The following EPM2A variants were observed in gnomAD, a reference collection of about 807,000 sequenced individuals.
EPM2A encodes the protein EPM2A glucan phosphatase, laforin.
EPM2A carries 21 observed loss-of-function variants against 26.5 expected under a neutral mutation model. That is an observed-to-expected ratio of 0.79 (90% CI 0.56 to 1.14). The LOEUF is 1.14. Among genes scored for constraint, EPM2A ranks in the 50% most tolerant of loss-of-function variants. EPM2A has a pLI of 0.00. For missense variants in EPM2A, 458 were observed against 440.8 expected, an observed-to-expected ratio of 1.04 and a Z score of -0.35; for synonymous variants, 217 against 177.6, an observed-to-expected ratio of 1.22 and a Z score of -1.76.
intron 2 of EPM2A, among the ~76,000 whole-genome samples, chr6:145,517,380 A>G (rs1780142997): frequency 6.6e-6 from 1 of 152,188 alleles, no homozygotes; most frequent in Non-Finnish European, 1.5e-5. Flanking sequence ...TAACACAGGA[A>G]CAAAAATCAC....
Position 145,625,816 on chromosome 6 carries a change from T to A in EPM2A, c.*1600A>T, listed in dbSNP as rs540577431. ...ACTGAAACTTACCTTGTATCCTTCT[T>A]GTCCCCCACGCCTTCTAAATAAGAG... On this transcript the variant is annotated 3_prime_UTR_variant, in exon 4 of 4. Transcript: ENST00000367519. 1.2e-5 allele frequency: 18 copies of A among 1,545,800 alleles called. No individual in the cohort carries two copies. The highest frequency in any genetic ancestry group is 1.4e-5 in the Non-Finnish European group (16 of 1,137,998).
chr6:145,428,946 C>T (rs1042002594), intron 4 of EPM2A, among the ~76,000 whole-genome samples: 3 of 152,094 alleles, frequency 2.0e-5, no homozygotes, highest in Non-Finnish European at 4.4e-5. Context: ...AACAGAGCAC[C>T]GTTTCTTTAA....
chr6:145,575,434 T>C (rs1273260481), intron 2 of EPM2A, among the ~76,000 whole-genome samples: 1 of 152,114 alleles, frequency 6.6e-6, no homozygotes, highest in Non-Finnish European at 1.5e-5. Flanking sequence ...GTTGTATCTG[T>C]TTTTCCGCAA....
At chr6:145,691,710 C>CATAT (rs1781291188) in intron 1 of EPM2A, among the ~76,000 whole-genome samples, 2 of 151,894 alleles carry the variant, frequency 1.3e-5, no homozygotes, top group Non-Finnish European at 2.9e-5. Context: ...TGATACCAGT[C>CATAT]AACTATGATG....
At chr6:145,550,057 C>T (rs946158978) in intron 2 of EPM2A, among the ~76,000 whole-genome samples, 4 of 152,116 alleles carry the variant, frequency 2.6e-5, no homozygotes, top group Admixed American at 2.6e-4. Flanking sequence ...ACTTGTATAG[C>T]TTTTGAAGGA....
intron 2 of EPM2A, among the ~76,000 whole-genome samples, chr6:145,590,774 A>G (rs944430724): frequency 6.6e-6 from 1 of 152,112 alleles, no homozygotes; most frequent in African/African-American, 2.4e-5. Flanking sequence ...CTAAAGGCCC[A>G]TTTACCACAG....
chr6:145,711,167 T>A (rs1232133964), intron 1 of EPM2A, among the ~76,000 whole-genome samples: 1 of 151,860 alleles, frequency 6.6e-6, no homozygotes, highest in Non-Finnish European at 1.5e-5. Flanking sequence ...AACTGCAGAG[T>A]CTCTAACAGT....
intron 4 of EPM2A, among the ~76,000 whole-genome samples, chr6:145,397,393 A>G (rs2114663363): frequency 6.6e-6 from 1 of 152,292 alleles, no homozygotes; most frequent in South Asian, 2.1e-4. Context: ...GTGAGGTATG[A>G]TGACGCCATT....
At chr6:145,641,440 C>T (rs1777080681) in intron 2 of EPM2A, among the ~76,000 whole-genome samples, 1 of 152,162 alleles carries the variant, frequency 6.6e-6, no homozygotes, top group Non-Finnish European at 1.5e-5. Context: ...CCTGTGGACA[C>T]CTTGATCTCA....
intron 4 of EPM2A, chr6:145,490,405 G>T: frequency 3.7e-6 from 3 of 821,184 alleles, no homozygotes; most frequent in Non-Finnish European, 6.3e-6. Flanking sequence ...ACATTTGAGG[G>T]TGCTATTTCT....
At chr6:145,604,887 A>C (rs1562399872) in intron 2 of EPM2A, among the ~76,000 whole-genome samples, 1 of 152,160 alleles carries the variant, frequency 6.6e-6, no homozygotes, top group Non-Finnish European at 1.5e-5. Flanking sequence ...AGCTATTTCC[A>C]ATTTCCCTTT....
chr6:145,467,629 A>G (rs1216061688), intron 4 of EPM2A, among the ~76,000 whole-genome samples: 1 of 152,140 alleles, frequency 6.6e-6, no homozygotes, highest in African/African-American at 2.4e-5. Context: ...AAGGTTCACA[A>G]AGAGTTCTTT....
intron 2 of EPM2A, among the ~76,000 whole-genome samples, chr6:145,678,356 G>T (rs1282201764): frequency 4.6e-5 from 7 of 152,078 alleles, no homozygotes; most frequent in African/African-American, 7.2e-5. Flanking sequence ...ACTTAATGAT[G>T]AAAACACCAA....
intron 2 of EPM2A, among the ~76,000 whole-genome samples, chr6:145,554,910 G>A (rs1233134787): frequency 6.6e-6 from 1 of 152,058 alleles, no homozygotes; most frequent in Non-Finnish European, 1.5e-5. Context: ...CAGTCTCAAG[G>A]CAGAATTTCT....
chr6:145,708,414 G>C (rs1377845944), intron 1 of EPM2A, among the ~76,000 whole-genome samples: 5 of 152,132 alleles, frequency 3.3e-5, no homozygotes, highest in Non-Finnish European at 7.4e-5. Flanking sequence ...CCTGGGCTGG[G>C]CCCAGGGCCC....
At chr6:145,558,163 T>C (rs1165500389) in intron 2 of EPM2A, among the ~76,000 whole-genome samples, 1 of 152,148 alleles carries the variant, frequency 6.6e-6, no homozygotes, top group African/African-American at 2.4e-5. Context: ...TCTTTATTCA[T>C]TTATGGATAG....
intron 4 of EPM2A, among the ~76,000 whole-genome samples, chr6:145,396,246 T>C (rs886790498): frequency 1.3e-5 from 2 of 152,138 alleles, no homozygotes; most frequent in Non-Finnish European, 2.9e-5. Context: ...TCCCCAGTTA[T>C]GGCTGCTCAA....
intron 2 of EPM2A, among the ~76,000 whole-genome samples, chr6:145,650,315 C>T (rs886451737): frequency 6.6e-6 from 1 of 152,114 alleles, no homozygotes; most frequent in African/African-American, 2.4e-5. Flanking sequence ...CTTTGGGAGG[C>T]CGAGGTAGGC....
At chr6:145,610,169 G>A (rs1775362748) in intron 2 of EPM2A, among the ~76,000 whole-genome samples, 1 of 151,036 alleles carries the variant, frequency 6.6e-6, no homozygotes, top group Non-Finnish European at 1.5e-5. Context: ...AGCCAAGATC[G>A]TGCCACTGCA....
Sources: gnomAD v4.1 joint callset for allele counts (sites outside exome capture counted in the v4.1 genomes callset) on GRCh38, gnomAD v4.1.1 for gene constraint, MANE v1.5 for transcripts, NCBI Gene and HGNC (gene_info 2026-07-23, HGNC 2026-07-21) for gene names.